RAI14: variants seen among roughly 807,000 people sequenced by gnomAD.
RAI14 encodes the protein ankycorbin.
RAI14 carries 45 observed loss-of-function variants against 115.4 expected under a neutral mutation model. That is an observed-to-expected ratio of 0.39 (90% CI 0.31 to 0.50). The LOEUF (loss-of-function observed/expected upper bound fraction) is 0.50, where lower values mean the gene tolerates loss of function less well. RAI14 is among the 20% of genes least tolerant of loss of function. The probability of loss-of-function intolerance (pLI) is 0.85; values close to 1 mark genes in which losing one functional copy is unlikely to be tolerated. For synonymous variants in RAI14, 371 were observed against 415.4 expected (o/e 0.89, Z 1.30); for missense variants, 939 against 1,131.2 (o/e 0.83, Z 2.44).
chr5:34,826,231 A>G, intron 15 of RAI14, 99 bp from the exon 16 acceptor site: 1 of 1,141,348 alleles, frequency 8.8e-7, no homozygotes, highest in Non-Finnish European at 1.2e-6. Context: ...TAAGTCCCAG[A>G]GGCCAAAAGA....
At chr5:34,797,278 T>C (rs934495976) in intron 4 of RAI14, among the ~76,000 whole-genome samples, 2 of 152,168 alleles carry the variant, frequency 1.3e-5, no homozygotes, top group Admixed American at 6.5e-5. Flanking sequence ...ATCCCCAAAA[T>C]TGGCCTCTTC....
intron 2 of RAI14, among the ~76,000 whole-genome samples, chr5:34,746,096 C>CCT (rs1561303288): frequency 7.6e-6 from 1 of 132,000 alleles, no homozygotes; most frequent in Non-Finnish European, 1.6e-5. Flanking sequence ...CCCCCTCCCC[C>CCT]CCCCGCCTTT....
intron 1 of RAI14, among the ~76,000 whole-genome samples, chr5:34,669,013 C>T (rs1229800453): frequency 2.0e-5 from 3 of 152,158 alleles, no homozygotes; most frequent in Non-Finnish European, 2.9e-5. Flanking sequence ...TGTGCCACCA[C>T]GTCCAGCTAA....
rs1314189054 is a variant in RAI14 at position 34,785,673 on chromosome 5, A to T, written c.168-10266A>T. Among the ~76,000 whole-genome samples the T allele has an allele frequency of 2.0e-5, 3 of 152,240 alleles. No individual in the cohort carries two copies. The East Asian group carries it at 5.8e-4, about 29-fold the overall frequency. On this transcript the variant is annotated intron_variant, in intron 3 of 17. Coordinates refer to ENST00000265109, the MANE Select transcript of RAI14 (RefSeq NM_015577.3). ...AACCTTTAAATTTCTTTCCCTGAAT[A>T]GTTATTTCACAGGTAGGATGTTTAT...
chr5:34,690,696 C>T (rs1036347869), intron 2 of RAI14, among the ~76,000 whole-genome samples: 28 of 152,084 alleles, frequency 1.8e-4, no homozygotes, highest in African/African-American at 6.0e-4. Context: ...TGACATTGTC[C>T]GGTGGTTTTG....
At chr5:34,693,073 C>T (rs1738828739) in intron 2 of RAI14, among the ~76,000 whole-genome samples, 2 of 152,138 alleles carry the variant, frequency 1.3e-5, no homozygotes, top group African/African-American at 4.8e-5. Flanking sequence ...TGCCCAGATT[C>T]CTCCTTTACA....
chr5:34,729,176 A>G (rs1217254470), intron 2 of RAI14, among the ~76,000 whole-genome samples: 1 of 152,042 alleles, frequency 6.6e-6, no homozygotes. Context: ...GGACAACACA[A>G]TGTCTCTACA....
rs1336988880 is a variant in RAI14, at chr5:34,793,270, T to A, written c.168-2669T>A. 2.0e-5 allele frequency among the ~76,000 whole-genome samples: 3 copies of A among 152,324 alleles called. No individual in the cohort carries two copies. The East Asian group carries it at 5.8e-4, about 29-fold the overall frequency. On this transcript the variant is annotated intron_variant, in intron 3 of 17. Coordinates refer to ENST00000265109, the MANE Select transcript of RAI14 (RefSeq NM_015577.3). ...AACTCTGCATTTCCCAAATCATTTG[T>A]AGAATATCATAACACGTTCATCAGA... is the stretch of plus-strand genomic sequence containing the variant.
intron 1 of RAI14, chr5:34,684,402 C>G (rs1744638175): frequency 6.6e-6 from 1 of 152,206 alleles, no homozygotes; most frequent in African/African-American, 2.4e-5. Flanking sequence ...AAACACTGCC[C>G]TGGAATGTGC....
intron 12 of RAI14, among the ~76,000 whole-genome samples, chr5:34,815,207 T>C (rs1243352914): frequency 1.3e-5 from 2 of 151,796 alleles, no homozygotes; most frequent in Middle Eastern, 3.2e-3. Context: ...ATGGTGAAAC[T>C]CCGTCTCTAC....
Sources: allele counts gnomAD v4.1 joint callset (sites outside exome capture counted in the v4.1 genomes callset), GRCh38; gene constraint gnomAD v4.1.1; transcripts MANE v1.5; gene names NCBI Gene and HGNC (gene_info 2026-07-23, HGNC 2026-07-21).